BARX2: variants seen among roughly 807,000 people sequenced by gnomAD.
BARX2 encodes the protein BARX homeobox 2.
In BARX2, 11 loss-of-function variants were observed where a neutral mutation model predicts 25.5. The ratio of observed to expected loss-of-function variants is 0.43; its 90% CI spans 0.27 to 0.71. The LOEUF (loss-of-function observed/expected upper bound fraction) is 0.71, where lower values mean the gene tolerates loss of function less well. BARX2 is among the 30% of genes least tolerant of loss of function. The pLI, the probability that BARX2 is intolerant of heterozygous loss-of-function variation, is 0.19. For synonymous variants in BARX2, 137 were observed against 149.5 expected, an observed-to-expected ratio of 0.92 and a Z score of 0.61; for missense variants, 360 against 359.9, an observed-to-expected ratio of 1.00 and a Z score of 0.00.
chr11:129,409,415 C>T (rs991316024), intron 1 of BARX2, among the ~76,000 whole-genome samples: 1 of 151,972 alleles, frequency 6.6e-6, no homozygotes, highest in Non-Finnish European at 1.5e-5. Context: ...CTATCATCCC[C>T]CACCACATAC....
chr11:129,436,748 C>G lies in BARX2; in HGVS notation c.188-3C>G. 6.4e-7 allele frequency: 1 copy of G among 1,554,778 alleles called. No individual in the cohort carries two copies. The highest frequency in any genetic ancestry group is 8.7e-7 in the Non-Finnish European group (1 of 1,145,252). Reference sequence around the variant, plus strand: ...GTGACCTGCCTCCCTGCTTGTTTTCCAGGCTCCCCTTCCCTGCGGGCATAT... The same window carrying G: ...GTGACCTGCCTCCCTGCTTGTTTTCGAGGCTCCCCTTCCCTGCGGGCATAT... On this transcript the variant is annotated splice_polypyrimidine_tract_variant and splice_region_variant and intron_variant, in intron 1 of 3. Transcript: ENST00000281437. The surrounding 1 kb of genome is among the most constrained non-coding windows in gnomAD (Gnocchi z 4.5).
chr11:129,442,332 A>G (rs1338639576), intron 2 of BARX2, among the ~76,000 whole-genome samples: 2 of 152,158 alleles, frequency 1.3e-5, no homozygotes, highest in African/African-American at 2.4e-5. Flanking sequence ...ACGTGGGACC[A>G]TCTGGGTGAC....
intron 1 of BARX2, among the ~76,000 whole-genome samples, chr11:129,420,498 A>G (rs779997640): frequency 1.3e-5 from 2 of 152,212 alleles, no homozygotes; most frequent in Non-Finnish European, 2.9e-5. Context: ...CTCATCCATC[A>G]AAGACTGGAT....
At chr11:129,418,663 T>G (rs1354401345) in intron 1 of BARX2, among the ~76,000 whole-genome samples, 1 of 152,222 alleles carries the variant, frequency 6.6e-6, no homozygotes, top group Non-Finnish European at 1.5e-5. Context: ...CTATCACGAA[T>G]GAAAACATAT....
intron 1 of BARX2, among the ~76,000 whole-genome samples, chr11:129,397,694 A>G (rs902602878): frequency 1.3e-5 from 2 of 152,234 alleles, no homozygotes; most frequent in African/African-American, 4.8e-5. Flanking sequence ...TGGGAGGCAC[A>G]GATGAGTAAA....
At chr11:129,407,252 T>A (rs981136639) in intron 1 of BARX2, among the ~76,000 whole-genome samples, 4 of 152,332 alleles carry the variant, frequency 2.6e-5, no homozygotes, top group African/African-American at 9.6e-5. Context: ...ACCAAACTCC[T>A]ACATCTTCAT....
chr11:129,389,165 C>G (rs114352642), intron 1 of BARX2, among the ~76,000 whole-genome samples: 2 of 152,110 alleles, frequency 1.3e-5, no homozygotes, highest in African/African-American at 4.8e-5. Context: ...GTATATAAAA[C>G]TCCTAGTATA....
At chr11:129,449,394 A>G (rs1474954393) in intron 3 of BARX2, among the ~76,000 whole-genome samples, 2 of 145,130 alleles carry the variant, frequency 1.4e-5, no homozygotes, top group East Asian at 4.0e-4. Flanking sequence ...CAAGGAGCTT[A>G]TATACAAATA....
At position 129,436,972 on chromosome 11, in the gene BARX2, C is replaced by T. The variant is rs2135411959; in HGVS notation, c.409C>T (p.Arg137Cys). The T allele has an allele frequency of 6.2e-7, 1 of 1,610,856 alleles. No individual in the cohort carries two copies. The part of the protein sequence containing the change: ...TPRQKKPRRS[R>C]TIFTELQLMG... ...CCGACAGAAGAAGCCCCGCCGGAGT[C>T]GCACCATCTTCACCGAGCTGCAGCT... The change falls in exon 2 of 4, where the codon CGC (arginine) becomes TGC (cysteine). Residue 137 changes from arginine to cysteine, a missense_variant. Arg to Cys is a radical substitution (Grantham distance 180). Coordinates refer to ENST00000281437, the MANE Select transcript of BARX2 (RefSeq NM_003658.5). The surrounding 1 kb of genome is among the most constrained non-coding windows in gnomAD (Gnocchi z 4.5).
At chr11:129,413,315 C>G (rs1192443707) in intron 1 of BARX2, among the ~76,000 whole-genome samples, 1 of 152,156 alleles carries the variant, frequency 6.6e-6, no homozygotes, top group Non-Finnish European at 1.5e-5. Context: ...AAGCCAAACT[C>G]AAAAGCAGAG....
intron 1 of BARX2, among the ~76,000 whole-genome samples, chr11:129,398,726 T>C (rs772954461): frequency 6.6e-6 from 1 of 152,238 alleles, no homozygotes; most frequent in Admixed American, 6.5e-5. Context: ...GCTAGGTTTA[T>C]CAAAATTCTG....
Position 129,376,605 on chromosome 11 carries a change from A to C in BARX2, c.187+383A>C, listed in dbSNP as rs1283017329. Among the ~76,000 whole-genome samples the C allele has an allele frequency of 6.6e-6, 1 of 152,242 alleles. No individual in the cohort carries two copies. The highest frequency in any genetic ancestry group is 2.1e-4 in the South Asian group (1 of 4,832). On this transcript the variant is annotated intron_variant, in intron 1 of 3. Transcript: ENST00000281437. This position sits in a 1 kb window ranked among gnomAD's most constrained non-coding sequence, Gnocchi z 4.2. ...TCAAACTTGAGCTTGGCGGCCTTGCATCTCACCTTGAGTTAACTTGTCCAG... is the reference window on the plus strand; with the variant it reads ...TCAAACTTGAGCTTGGCGGCCTTGCCTCTCACCTTGAGTTAACTTGTCCAG...
chr11:129,415,338 C>G (rs776797876), intron 1 of BARX2, among the ~76,000 whole-genome samples: 1 of 152,194 alleles, frequency 6.6e-6, no homozygotes, highest in African/African-American at 2.4e-5. Flanking sequence ...CCCTTTCTCC[C>G]TTTAAGCCCC....
At chr11:129,386,301 ATATAC>A (rs1323520616) in intron 1 of BARX2, among the ~76,000 whole-genome samples, 1 of 152,196 alleles carries the variant, frequency 6.6e-6, no homozygotes, top group East Asian at 1.9e-4. Flanking sequence ...TGATATGACA[ATATAC>A]TACCCTTAGC....
chr11:129,425,814 T>C (rs1428043180), intron 1 of BARX2, among the ~76,000 whole-genome samples: 1 of 152,192 alleles, frequency 6.6e-6, no homozygotes, highest in Non-Finnish European at 1.5e-5. Flanking sequence ...TTTTTCTAAA[T>C]CTCCCCAATC....
At chr11:129,405,547 T>G (rs1000815498) in intron 1 of BARX2, among the ~76,000 whole-genome samples, 2 of 152,188 alleles carry the variant, frequency 1.3e-5, no homozygotes, top group Non-Finnish European at 2.9e-5. Flanking sequence ...TTACCAGCAC[T>G]AGTATTGTGG....
chr11:129,380,812 G>GTTTTTTTT (rs5795668), intron 1 of BARX2, among the ~76,000 whole-genome samples: 1 of 146,896 alleles, frequency 6.8e-6, no homozygotes, highest in Non-Finnish European at 1.5e-5. Flanking sequence ...TTAGGAGTCA[G>GTTTTTTTT]TTTTTTTTTT....
intron 1 of BARX2, among the ~76,000 whole-genome samples, chr11:129,393,343 T>C (rs540635630): frequency 3.5e-4 from 54 of 152,292 alleles, no homozygotes; most frequent in African/African-American, 1.1e-3. Flanking sequence ...AATTTCTTAT[T>C]TTGAAAAGTA....
At chr11:129,396,053 G>A (rs1861717233) in intron 1 of BARX2, among the ~76,000 whole-genome samples, 2 of 152,094 alleles carry the variant, frequency 1.3e-5, no homozygotes, top group South Asian at 2.1e-4. Context: ...AGATCCATCC[G>A]TCAGCTGCCC....
Sources: allele counts gnomAD v4.1 joint callset (sites outside exome capture counted in the v4.1 genomes callset), GRCh38; gene constraint gnomAD v4.1.1; non-coding constraint Gnocchi (gnomAD v3.1); transcripts MANE v1.5; gene names NCBI Gene and HGNC (gene_info 2026-07-23, HGNC 2026-07-21).